BRIP1: variants seen among roughly 807,000 people sequenced by gnomAD.
BRIP1 encodes Fanconi anemia group J protein.
A neutral mutation model predicts 119.7 loss-of-function variants in BRIP1; 88 were observed. The ratio of observed to expected loss-of-function variants is 0.74; its 90% CI spans 0.62 to 0.88. The LOEUF (loss-of-function observed/expected upper bound fraction) is 0.88, where lower values mean the gene tolerates loss of function less well. Among genes scored for constraint, BRIP1 ranks in the 40% least tolerant of loss-of-function variants. BRIP1 has a pLI of 0.00. For synonymous variants in BRIP1, 443 were observed against 496.5 expected (o/e 0.89, Z 1.43); for missense variants, 1,259 against 1,455.4 (o/e 0.87, Z 2.20).
Position 61,704,137 on chromosome 17 carries a change from G to C in BRIP1, c.2493-10625C>G, listed in dbSNP as rs2061656329. On this transcript the variant is annotated intron_variant, in intron 17 of 19. Transcript: ENST00000259008. The surrounding 1 kb of genome is among the most constrained non-coding windows in gnomAD (Gnocchi z 5.7). ...TCCAGCACCATTTATTGAACAAGGAGTCCTTTCCCCATTGTTTATTTTTGC... is the reference window on the plus strand; with the variant it reads ...TCCAGCACCATTTATTGAACAAGGACTCCTTTCCCCATTGTTTATTTTTGC... 6.6e-6 allele frequency among the ~76,000 whole-genome samples: 1 copy of C among 152,096 alleles called. No homozygotes were observed. Among genetic ancestry groups the C allele is most frequent in the Admixed American group, 6.6e-5 (1 of 15,260 alleles).
intron 17 of BRIP1, among the ~76,000 whole-genome samples, chr17:61,711,919 G>A (rs758380570): frequency 5.3e-4 from 80 of 151,638 alleles, no homozygotes; most frequent in Admixed American, 1.8e-3. Flanking sequence ...AAATGATGGG[G>A]AGTACAGTGG....
At chr17:61,765,047 C>T (rs1435637954) in intron 14 of BRIP1, among the ~76,000 whole-genome samples, 1 of 151,744 alleles carries the variant, frequency 6.6e-6, no homozygotes, top group African/African-American at 2.4e-5. Flanking sequence ...CTTGCCCTTT[C>T]ACCTTTCACC....
In BRIP1 at chr17:61,724,149, G is replaced by A. The variant is rs1407665654; in HGVS notation, c.2380-8086C>T. Among the ~76,000 whole-genome samples the A allele has an allele frequency of 2.0e-5, 3 of 151,976 alleles. No homozygotes were observed. The highest frequency in any genetic ancestry group is 4.4e-5 in the Non-Finnish European group (3 of 67,964). On this transcript the variant is annotated intron_variant, in intron 16 of 19. Coordinates refer to ENST00000259008, the MANE Select transcript of BRIP1 (RefSeq NM_032043.3). The surrounding 1 kb of genome is among the most constrained non-coding windows in gnomAD (Gnocchi z 5.1). Reference sequence around the variant, plus strand: ...TCAAAATCTAACCTAACTGACATAAGTAGAAATAAGATCCTCAATATCAAA... The same window carrying A: ...TCAAAATCTAACCTAACTGACATAAATAGAAATAAGATCCTCAATATCAAA...
At position 61,693,633 on chromosome 17, in the gene BRIP1, A is replaced by G. The variant is rs1223462574; in HGVS notation, c.2493-121T>C. 2 of 812,532 alleles carry G rather than the reference A, an allele frequency of 2.5e-6. No homozygotes were observed. The highest frequency in any genetic ancestry group is 4.0e-6 in the Non-Finnish European group (2 of 494,450). 50.3% of individuals were successfully genotyped at this position (812,532 alleles called of 1,614,324 possible). ...TATAGATTCCTTTAAACAATTTGTT[A>G]TTATCAGAAAAGTTACAGAAGCTAT... is the stretch of plus-strand genomic sequence containing the variant. On this transcript the variant is annotated intron_variant, in intron 17 of 19. Transcript: ENST00000259008. This position sits in a 1 kb window ranked among gnomAD's most constrained non-coding sequence, Gnocchi z 4.2.
rs191884450 is a variant in BRIP1 at position 61,816,945 on chromosome 17, G to A, written c.628-8188C>T. On this transcript the variant is annotated intron_variant, in intron 6 of 19. Coordinates refer to ENST00000259008, the MANE Select transcript of BRIP1 (RefSeq NM_032043.3). The surrounding 1 kb of genome is among the most constrained non-coding windows in gnomAD (Gnocchi z 5.0). ...CATAAATGGATGCTGAAATCTTTCA[G>A]TGAAAAGTTATTAGGGAACAGAATA... Among the ~76,000 whole-genome samples the A allele has an allele frequency of 2.3e-4, 35 of 152,276 alleles. No individual in the cohort carries two copies. The highest frequency in any genetic ancestry group is 1.5e-5 in the Non-Finnish European group (1 of 68,018).
rs924329567 is a variant in BRIP1 at position 61,808,856 on chromosome 17, A to G, written c.628-99T>C. On this transcript the variant is annotated intron_variant, in intron 6 of 19. Transcript: ENST00000259008. The surrounding 1 kb of genome is among the most constrained non-coding windows in gnomAD (Gnocchi z 4.1). ...CAGAACCTGTAAGTAATGAATCACA[A>G]TGGTCAAATAAAGAGAAATAACAAG... is the stretch of plus-strand genomic sequence containing the variant. 7.5e-6 allele frequency: 9 copies of G among 1,196,542 alleles called. No homozygotes were observed. Among genetic ancestry groups the G allele is most frequent in the African/African-American group, 3.0e-5 (2 of 65,830 alleles). 74.1% of individuals were successfully genotyped at this position (1,196,542 alleles called of 1,614,324 possible).
rs1050871822 is a variant in BRIP1, at chr17:61,720,001, T to C, written c.2380-3938A>G. On this transcript the variant is annotated intron_variant, in intron 16 of 19. Coordinates refer to ENST00000259008, the MANE Select transcript of BRIP1 (RefSeq NM_032043.3). The surrounding 1 kb of genome is among the most constrained non-coding windows in gnomAD (Gnocchi z 4.3). ...GTGCTGCCATGCCTGGCCAATTTTT[T>C]TCTTTTTTAATTTTTATAGAGATGG... 7.9e-5 allele frequency among the ~76,000 whole-genome samples: 12 copies of C among 152,002 alleles called. No individual in the cohort carries two copies. Among genetic ancestry groups the C allele is most frequent in the African/African-American group, 2.2e-4 (9 of 41,388 alleles).
Position 61,681,827 on chromosome 17 carries a change from C to T in BRIP1, c.*1469G>A, listed in dbSNP as rs1001736389. On this transcript the variant is annotated 3_prime_UTR_variant, in exon 20 of 20. Transcript: ENST00000259008. This position sits in a 1 kb window ranked among gnomAD's most constrained non-coding sequence, Gnocchi z 5.1. Reference sequence around the variant, plus strand: ...GTCTCAAAATGGAAGCAAAGACATACCTATATAATGATTCATTTATCCAAA... The same window carrying T: ...GTCTCAAAATGGAAGCAAAGACATATCTATATAATGATTCATTTATCCAAA... 8 of 197,146 alleles carry T rather than the reference C, an allele frequency of 4.1e-5. No individual in the cohort carries two copies. The highest frequency in any genetic ancestry group is 1.8e-4 in the Admixed American group (3 of 16,468). 12.2% of individuals were successfully genotyped at this position (197,146 alleles called of 1,614,324 possible). A position where few individuals can be genotyped will look rare whatever the true frequency, so the allele number is the denominator to read the frequency against.
At position 61,778,180 on chromosome 17, in the gene BRIP1, C is replaced by T. The variant is rs1367336258; in HGVS notation, c.1936-1618G>A. Among the ~76,000 whole-genome samples, 1 of 152,152 alleles carries T rather than the reference C, an allele frequency of 6.6e-6. No homozygotes were observed. The highest frequency in any genetic ancestry group is 1.9e-4 in the East Asian group (1 of 5,192). ...AGATGATGAACTTTGAAGACATTAT[C>T]TGCAACATGGACAAACCTTGAGGAC... On this transcript the variant is annotated intron_variant, in intron 13 of 19. Coordinates refer to ENST00000259008, the MANE Select transcript of BRIP1 (RefSeq NM_032043.3). This position sits in a 1 kb window ranked among gnomAD's most constrained non-coding sequence, Gnocchi z 4.4.
Position 61,859,873 on chromosome 17 carries a change from A to C in BRIP1, c.128T>G (p.Leu43Trp). ...TCCACTTCCTGTGGGACTCTCCAAC[A>C]AACAATGTTGCTTGCTGTTTAATCC... ...LRGLNSKQHCLLESPTGSGKS... is the reference protein window; with the variant it reads ...LRGLNSKQHCWLESPTGSGKS... The change falls in exon 3 of 20, where the codon TTG becomes TGG. Residue 43 changes from leucine to tryptophan, a missense_variant. Coordinates refer to ENST00000259008, the MANE Select transcript of BRIP1 (RefSeq NM_032043.3). 1 of 1,613,874 alleles carries C rather than the reference A, an allele frequency of 6.2e-7. No individual in the cohort carries two copies.
intron 17 of BRIP1, among the ~76,000 whole-genome samples, chr17:61,712,931 CA>C (rs1391480093): frequency 6.6e-6 from 1 of 151,448 alleles, no homozygotes; most frequent in Non-Finnish European, 1.5e-5. Context: ...TTAATTTGCA[CA>C]AAACCTAATT....
intron 14 of BRIP1, among the ~76,000 whole-genome samples, chr17:61,764,148 C>T (rs900999445): frequency 5.3e-5 from 8 of 152,152 alleles, no homozygotes; most frequent in African/African-American, 1.4e-4. Context: ...AGTGCATTTG[C>T]GCTGGCCTTA....
chr17:61,747,812 T>G (rs985536502), intron 14 of BRIP1, among the ~76,000 whole-genome samples: 1 of 152,166 alleles, frequency 6.6e-6, no homozygotes, highest in African/African-American at 2.4e-5. Context: ...CATAGTTCAC[T>G]GTAACCTCAA....
intron 6 of BRIP1, among the ~76,000 whole-genome samples, chr17:61,813,649 G>A (rs2078196352): frequency 6.6e-6 from 1 of 152,014 alleles, no homozygotes; most frequent in Admixed American, 6.5e-5. Context: ...TTTTAGTCGT[G>A]ACAAACATAT....
Position 61,861,426 on chromosome 17 carries a change from TAACTGCTGAA to T in BRIP1, c.93+11_93+20del. 1 of 1,536,600 alleles carries T rather than the reference TAACTGCTGAA, an allele frequency of 6.5e-7. No homozygotes were observed. The highest frequency in any genetic ancestry group is 9.0e-7 in the Non-Finnish European group (1 of 1,110,060). On this transcript the variant is annotated intron_variant, in intron 2 of 19. Coordinates refer to ENST00000259008, the MANE Select transcript of BRIP1 (RefSeq NM_032043.3). This position sits in a 1 kb window ranked among gnomAD's most constrained non-coding sequence, Gnocchi z 4.5. ...AAGTATCTATATCTTAATAAAAACT[TAACTGCTGAA>T]AAATACTTACAGAATTCATCATAGC...
intron 5 of BRIP1, among the ~76,000 whole-genome samples, chr17:61,847,996 A>C (rs1200913002): frequency 6.6e-6 from 1 of 152,200 alleles, no homozygotes. Context: ...TGGTACTTTG[A>C]TAAAATAAAC....
At chr17:61,697,351 A>G (rs1273788429) in intron 17 of BRIP1, among the ~76,000 whole-genome samples, 1 of 141,828 alleles carries the variant, frequency 7.1e-6, no homozygotes, top group African/African-American at 3.0e-5. Context: ...AAAAAAAAAA[A>G]AAAAAAAAAA....
At chr17:61,731,500 C>T (rs1183220209) in intron 16 of BRIP1, among the ~76,000 whole-genome samples, 2 of 152,158 alleles carry the variant, frequency 1.3e-5, no homozygotes, top group Non-Finnish European at 2.9e-5. Flanking sequence ...AATACCTCTC[C>T]CAGCTTCTAT....
Position 61,745,675 on chromosome 17 carries a change from C to T in BRIP1, c.2098-1084G>A, listed in dbSNP as rs960698608. On this transcript the variant is annotated intron_variant, in intron 14 of 19. Coordinates refer to ENST00000259008, the MANE Select transcript of BRIP1 (RefSeq NM_032043.3). This position sits in a 1 kb window ranked among gnomAD's most constrained non-coding sequence, Gnocchi z 4.4. ...TGAACCAACACACGTGGCTGTAAAA[C>T]TCATATTCTTAAAAACCATATGAGT... 1.3e-5 allele frequency among the ~76,000 whole-genome samples: 2 copies of T among 152,158 alleles called. No homozygotes were observed. Among genetic ancestry groups the T allele is most frequent in the African/African-American group, 4.8e-5 (2 of 41,428 alleles).
Sources: allele counts gnomAD v4.1 joint callset (sites outside exome capture counted in the v4.1 genomes callset), GRCh38; gene constraint gnomAD v4.1.1; non-coding constraint Gnocchi (gnomAD v3.1); transcripts MANE v1.5; gene names NCBI Gene and HGNC (gene_info 2026-07-23, HGNC 2026-07-21).